SVIL: variants seen among roughly 807,000 people sequenced by gnomAD.
The protein encoded by SVIL is archvillin.
SVIL carries 101 observed loss-of-function variants against 240.4 expected under a neutral mutation model. The ratio of observed to expected loss-of-function variants is 0.42; its 90% CI spans 0.36 to 0.50. The LOEUF (loss-of-function observed/expected upper bound fraction) is 0.50. Among genes scored for constraint, SVIL ranks in the 20% least tolerant of loss-of-function variants. SVIL has a pLI of 0.01. For synonymous variants in SVIL, 999 were observed against 1,100.0 expected, an observed-to-expected ratio of 0.91 and a Z score of 1.82; for missense variants, 2,512 against 2,818.7, an observed-to-expected ratio of 0.89 and a Z score of 2.46.
intron 6 of SVIL, among the ~76,000 whole-genome samples, chr10:29,538,245 C>T (rs1011699820): frequency 6.6e-6 from 1 of 152,170 alleles, no homozygotes; most frequent in African/African-American, 2.4e-5. Flanking sequence ...TCAATATCAC[C>T]GTCAAACTCC....
chr10:29,578,954 A>G (rs958255173), intron 1 of SVIL, among the ~76,000 whole-genome samples: 3 of 114,694 alleles, frequency 2.6e-5, no homozygotes, highest in African/African-American at 9.9e-5. Context: ...ATGATGTGAA[A>G]CAGAAATATT....
chr10:29,662,778 TACACACACAC>T (rs3040508), intron 2 of SVIL, among the ~76,000 whole-genome samples: 1 of 149,392 alleles, frequency 6.7e-6, no homozygotes, highest in Non-Finnish European at 1.5e-5. Context: ...TGTGCGCGCG[TACACACACAC>T]ACACACACAC....
chr10:29,551,193 T>C lies in SVIL; in HGVS notation c.231A>G (p.Thr77=). ...AGTCACCGTGGACACCGGAGGTTTC[T>C]GTGCAGTATTTGGATCGAGTTTGCT... The part of the protein sequence containing the change: ...LEKQTRSKYC[T]ETSGVHGDSP... Residue 77 remains threonine, a synonymous_variant, in exon 6 of 38, where the codon ACA becomes ACG. Transcript: ENST00000355867. 6.2e-7 allele frequency: 1 copy of C among 1,613,440 alleles called. No homozygotes were observed. Among genetic ancestry groups the C allele is most frequent in the Non-Finnish European group, 8.5e-7 (1 of 1,179,872 alleles).
chr10:29,622,066 C>T (rs1163663906), intron 1 of SVIL, among the ~76,000 whole-genome samples: 1 of 150,882 alleles, frequency 6.6e-6, no homozygotes, highest in Non-Finnish European at 1.5e-5. Context: ...CTGGCTAACA[C>T]GGTGAAACCC....
intron 1 of SVIL, among the ~76,000 whole-genome samples, chr10:29,728,083 C>T (rs1964398639): frequency 6.6e-6 from 1 of 152,126 alleles, no homozygotes; most frequent in Admixed American, 6.5e-5. Flanking sequence ...CCTAGCGAGG[C>T]TTTTGATCAA....
At chr10:29,630,717 C>T (rs879309603) in intron 1 of SVIL, among the ~76,000 whole-genome samples, 1 of 151,794 alleles carries the variant, frequency 6.6e-6, no homozygotes, top group African/African-American at 2.4e-5. Context: ...TACCGCAACA[C>T]GAACGTTTCT....
rs1207433006 is a variant in SVIL, at chr10:29,457,683, T to TA, written c.*563dup. 4.6e-5 allele frequency: 7 copies of TA among 152,668 alleles called. No homozygotes were observed. Among genetic ancestry groups the TA allele is most frequent in the African/African-American group, 9.6e-5 (4 of 41,452 alleles). The allele number at this position is 152,668 out of a possible 1,614,324, so 9.5% of individuals were successfully genotyped here. On this transcript the variant is annotated 3_prime_UTR_variant, in exon 38 of 38. Transcript: ENST00000355867. ...AGCAGTACTCAGAACAAGTCATACC[T>TA]AATGCTGCAGGAAACATTTCCAAAC...
At position 29,523,757 on chromosome 10, in the gene SVIL, T is replaced by C; in HGVS notation, c.2857A>G (p.Lys953Glu). ...MLREYGETES[K>E]RALTGRDSGM... ...CTGTCTCGACCTGTCAAAGCTCTCT[T>C]GCTTTCTGTCTCTCCATATTCTCTC... The change falls in exon 15 of 38, where the codon AAG (lysine) becomes GAG (glutamate). Residue 953 changes from lysine to glutamate, a missense_variant. Around this residue, in one of 3 missense-constraint regions of SVIL, gnomAD observed 1,443 missense variants for 1,486.6 expected, o/e 0.97. Transcript: ENST00000355867. The C allele has an allele frequency of 1.2e-6, 2 of 1,614,232 alleles. No homozygotes were observed. The highest frequency in any genetic ancestry group is 1.7e-6 in the Non-Finnish European group (2 of 1,180,034).
chr10:29,725,301 C>A (rs1964228519), intron 1 of SVIL, among the ~76,000 whole-genome samples: 1 of 151,954 alleles, frequency 6.6e-6, no homozygotes, highest in African/African-American at 2.4e-5. Context: ...ATCTCGTGTC[C>A]CCTTTGAGCC....
chr10:29,560,626 A>C (rs1466937946), intron 3 of SVIL, among the ~76,000 whole-genome samples: 1 of 150,766 alleles, frequency 6.6e-6, no homozygotes, highest in African/African-American at 2.4e-5. Flanking sequence ...CACACATAAA[A>C]CTTGATGTCA....
intron 20 of SVIL, among the ~76,000 whole-genome samples, chr10:29,493,664 G>A (rs968190331): frequency 6.6e-6 from 1 of 152,064 alleles, no homozygotes; most frequent in Non-Finnish European, 1.5e-5. Flanking sequence ...ACCTGCCCTT[G>A]CTTCTGTTGA....
intron 18 of SVIL, chr10:29,496,520 CG>C (rs1948456616): frequency 4.7e-6 from 2 of 426,158 alleles, no homozygotes; most frequent in Non-Finnish European, 9.4e-6. Flanking sequence ...GAAATCCATC[CG>C]TGTCCTGGCC....
intron 3 of SVIL, among the ~76,000 whole-genome samples, chr10:29,562,769 G>GA (rs34507610): frequency 0.01 from 1,204 of 115,446 alleles, 19 homozygotes; most frequent in Non-Finnish European, 0.015. Flanking sequence ...TCAAAAAAAA[G>GA]AAAAAAAAAA....
chr10:29,590,724 C>G (rs555694982), intron 1 of SVIL, among the ~76,000 whole-genome samples: 7 of 152,286 alleles, frequency 4.6e-5, no homozygotes, highest in African/African-American at 1.7e-4. Context: ...TTGAAATATG[C>G]TGAAATACCT....
intron 17 of SVIL, among the ~76,000 whole-genome samples, chr10:29,505,296 A>C (rs966828106): frequency 2.0e-5 from 3 of 152,228 alleles, no homozygotes; most frequent in Non-Finnish European, 4.4e-5. Context: ...ACTGCACTCC[A>C]GCCTGGGTAA....
intron 2 of SVIL, among the ~76,000 whole-genome samples, chr10:29,683,525 A>G (rs190342696): frequency 1.3e-5 from 2 of 152,332 alleles, no homozygotes; most frequent in Admixed American, 1.3e-4. Flanking sequence ...CTAGTTATTC[A>G]GGTTAATTTT....
chr10:29,721,693 C>T (rs529272305), intron 1 of SVIL, among the ~76,000 whole-genome samples: 26 of 152,296 alleles, frequency 1.7e-4, no homozygotes, highest in Admixed American at 1.6e-3. Flanking sequence ...TTAATAATAG[C>T]TATGCATCCA....
In SVIL at chr10:29,735,628, C is replaced by T. The variant is rs984728617; in HGVS notation, c.-400+123G>A. ...CGCTTCGGTCCCCGGCAGGGCCTCC[C>T]GCAGCCAGAGCGAGACTGACCCGCG... On this transcript the variant is annotated intron_variant, in intron 1 of 35. Coordinates refer to the SVIL transcript ENST00000375400. This position sits in a 1 kb window ranked among gnomAD's most constrained non-coding sequence, Gnocchi z 4.1. 2.0e-5 allele frequency: 3 copies of T among 151,640 alleles called. No individual in the cohort carries two copies. Among genetic ancestry groups the T allele is most frequent in the African/African-American group, 7.3e-5 (3 of 41,356 alleles). 9.4% of individuals were successfully genotyped at this position (151,640 alleles called of 1,614,324 possible). A position where few individuals can be genotyped will look rare whatever the true frequency, so the allele number is the denominator to read the frequency against.
At chr10:29,533,493 G>A (rs1225613840) in intron 7 of SVIL, 35 bp from the exon 8 acceptor site, 2 of 1,582,428 alleles carry the variant, frequency 1.3e-6, no homozygotes, top group Admixed American at 1.7e-5. Flanking sequence ...GTTGCAAAGT[G>A]CAGTAACGGC....
Sources: gnomAD v4.1 joint callset for allele counts (sites outside exome capture counted in the v4.1 genomes callset) on GRCh38, gnomAD v4.1.1 for gene constraint, gnomAD v4.1.1 regional missense constraint, Gnocchi (gnomAD v3.1) non-coding constraint, MANE v1.5 for transcripts, NCBI Gene and HGNC (gene_info 2026-07-23, HGNC 2026-07-21) for gene names.